MYH15: variants seen among roughly 807,000 people sequenced by gnomAD.
MYH15 encodes the protein myosin-15.
Under a neutral mutation model 240.5 loss-of-function variants are expected in MYH15, and 227 were observed. That is an observed-to-expected ratio of 0.94 (90% CI 0.85 to 1.05). MYH15 has a LOEUF of 1.05. Among genes scored for constraint, MYH15 ranks in the 50% least tolerant of loss-of-function variants. MYH15 has a pLI of 0.00. For synonymous variants in MYH15, 785 were observed against 796.7 expected, an observed-to-expected ratio of 0.99 and a Z score of 0.25; for missense variants, 2,217 against 2,247.5, an observed-to-expected ratio of 0.99 and a Z score of 0.27.
At chr3:108,393,911 C>T in intron 36 of MYH15, 120 bp downstream of exon 36, 2 of 1,453,442 alleles carry the variant, frequency 1.4e-6, no homozygotes, top group Admixed American at 1.8e-5. Flanking sequence ...AGACTAACCT[C>T]CCCCTGGCTG....
At chr3:108,397,290 T>C (rs1015775513) in intron 35 of MYH15, among the ~76,000 whole-genome samples, 1 of 152,144 alleles carries the variant, frequency 6.6e-6, no homozygotes, top group African/African-American at 2.4e-5. Flanking sequence ...CCGAATACTC[T>C]AGCATGTGAA....
chr3:108,400,605 TCGAGAC>T (rs1305482929), intron 33 of MYH15, among the ~76,000 whole-genome samples: 2 of 152,102 alleles, frequency 1.3e-5, no homozygotes, highest in Non-Finnish European at 2.9e-5. Context: ...GGTGGGCAGA[TCGAGAC>T]CAGCCTGGCC....
In MYH15 at chr3:108,454,131, T is replaced by A. The variant is rs1244220679; in HGVS notation, c.2274A>T (p.Lys758Asn). 1 of 1,609,676 alleles carries A rather than the reference T, an allele frequency of 6.2e-7. No individual in the cohort carries two copies. The highest frequency in any genetic ancestry group is 8.5e-7 in the Non-Finnish European group (1 of 1,177,074). Residue 758 changes from lysine (K) to asparagine (N), a missense_variant, in exon 21 of 41, where the codon AAA (lysine) becomes AAT (asparagine). Lys to Asn is a moderately conservative substitution (Grantham distance 94). Transcript: ENST00000693548. ...CTTCCAGTTGGCCCAGAAACCCAGCTTTAAAAAACACCTAAAGGAAAAGTC... is the reference window on the plus strand; with the variant it reads ...CTTCCAGTTGGCCCAGAAACCCAGCATTAAAAAACACCTAAAGGAAAAGTC... ...YRFGITKVFF[K>N]AGFLGQLEAI...
the MYH15 span, among the ~76,000 whole-genome samples, chr3:108,549,071 T>C: frequency 1.3e-5 from 2 of 152,058 alleles, no homozygotes; most frequent in African/African-American, 2.4e-5. Context: ...ACTGTGTTAA[T>C]GTATACTTTG....
intron 1 of MYH15, among the ~76,000 whole-genome samples, chr3:108,506,695 G>A (rs1560438849): frequency 6.6e-6 from 1 of 152,042 alleles, no homozygotes. Context: ...GACTAGCCTG[G>A]GCAACATAGC....
chr3:108,451,654 A>G (rs749856710), intron 21 of MYH15, among the ~76,000 whole-genome samples: 57 of 152,204 alleles, frequency 3.7e-4, no homozygotes, highest in Non-Finnish European at 7.3e-4. Flanking sequence ...AACATTCTTC[A>G]ACTGTTTTAT....
At chr3:108,510,370 GTCAA>G (rs2083512369) in intron 1 of MYH15, 69 bp downstream of exon 1, 16 of 1,532,138 alleles carry the variant, frequency 1.0e-5, no homozygotes, top group Non-Finnish European at 1.4e-5. Flanking sequence ...GCTCTTCTCT[GTCAA>G]TCAAATATCT....
At chr3:108,440,687 C>A in intron 23 of MYH15, among the ~76,000 whole-genome samples, 2 of 107,352 alleles carry the variant, frequency 1.9e-5, no homozygotes, top group African/African-American at 3.7e-5. Flanking sequence ...ATCATGCTCC[C>A]TCTCCTTCCA....
intron 29 of MYH15, 54 bp from the exon 30 acceptor site, chr3:108,414,482 T>C (rs992410948): frequency 2.9e-5 from 43 of 1,499,426 alleles, no homozygotes; most frequent in Non-Finnish European, 3.9e-5. Context: ...GCAACACAAG[T>C]CTTGAAAGTA....
intron 11 of MYH15, among the ~76,000 whole-genome samples, chr3:108,484,344 A>T (rs1457930577): frequency 2.2e-4 from 33 of 152,238 alleles, no homozygotes; most frequent in Non-Finnish European, 4.8e-4. Context: ...AGAAAAAACA[A>T]GGAGAAATAA....
chr3:108,488,873 A>G (rs1230763692), intron 9 of MYH15, among the ~76,000 whole-genome samples: 1 of 152,166 alleles, frequency 6.6e-6, no homozygotes, highest in Non-Finnish European at 1.5e-5. Context: ...ATTTTTCATA[A>G]TGACTGTAGT....
the MYH15 span, among the ~76,000 whole-genome samples, chr3:108,538,518 G>A: frequency 6.6e-6 from 1 of 152,282 alleles, no homozygotes; most frequent in African/African-American, 2.4e-5. Flanking sequence ...ATTGTGAAAT[G>A]TTAACAGCAT....
In MYH15 at chr3:108,495,845, C is replaced by T; in HGVS notation, c.646G>A (p.Ala216Thr). Residue 216 changes from alanine to threonine, a missense_variant, in exon 7 of 41, where the codon GCG becomes ACG. Transcript: ENST00000693548. ...QGALEDQIMQANTILEAFGNA... is the reference protein window; with the variant it reads ...QGALEDQIMQTNTILEAFGNA... ...CCAAATGCTTCCAAGATAGTATTCG[C>T]TTGCATGATTTGATCTTCTAACGCC... is the stretch of plus-strand genomic sequence containing the variant. 6.2e-7 allele frequency: 1 copy of T among 1,611,570 alleles called. No homozygotes were observed. Among genetic ancestry groups the T allele is most frequent in the Non-Finnish European group, 8.5e-7 (1 of 1,178,934 alleles).
At position 108,437,578 on chromosome 3, in the gene MYH15, C is replaced by T. The variant is rs542819427; in HGVS notation, c.3197G>A (p.Arg1066Gln). The change falls in exon 25 of 41, where the codon CGA becomes CAA. Residue 1066 changes from arginine to glutamine, a missense_variant. Arg to Gln is a conservative substitution (Grantham distance 43). Transcript: ENST00000693548. ...CTTCCTCAGCTCTTCTGCCAGGTGT[C>T]GCTGGCTGCTTTCCAGGTTCTCCAT... ...ESMENLESSQ[R>Q]HLAEELRKKE... is the part of the protein sequence containing the mutation. 6 of 1,613,672 alleles carry T rather than the reference C, an allele frequency of 3.7e-6. No individual in the cohort carries two copies. Among genetic ancestry groups the T allele is most frequent in the East Asian group, 2.2e-5 (1 of 44,868 alleles).
At chr3:108,491,927 A>C (rs541163480) in intron 9 of MYH15, among the ~76,000 whole-genome samples, 142 of 151,712 alleles carry the variant, frequency 9.4e-4, no homozygotes, top group African/African-American at 3.4e-3. Context: ...TCATATCCCA[A>C]CCTAAATTCC....
At chr3:108,463,286 C>A in intron 15 of MYH15, 43 bp from the exon 16 acceptor site, 2 of 1,563,832 alleles carry the variant, frequency 1.3e-6, no homozygotes, top group Non-Finnish European at 1.7e-6. Context: ...AGAAAAAAAA[C>A]TGCATAAGTT....
rs769023997 is a variant in MYH15 at position 108,470,684 on chromosome 3, C to T, written c.1383+14G>A. ...TAAATATGCATTGACTTCCTTCTTA[C>T]CAGATACACTTACCTCAAGGATTTC... On this transcript the variant is annotated intron_variant, in intron 13 of 40. Coordinates refer to ENST00000693548, the MANE Select transcript of MYH15 (RefSeq NM_014981.3). 10 of 1,612,246 alleles carry T rather than the reference C, an allele frequency of 6.2e-6. No homozygotes were observed. Among genetic ancestry groups the T allele is most frequent in the East Asian group, 2.2e-5 (1 of 44,798 alleles).
At chr3:108,475,252 G>A (rs953483189) in intron 12 of MYH15, among the ~76,000 whole-genome samples, 4 of 151,826 alleles carry the variant, frequency 2.6e-5, no homozygotes, top group African/African-American at 9.7e-5. Flanking sequence ...TATATCCTTT[G>A]GAATGTTACT....
At chr3:108,536,276 A>C in the MYH15 span, among the ~76,000 whole-genome samples, 1 of 152,156 alleles carries the variant, frequency 6.6e-6, no homozygotes, top group East Asian at 1.9e-4. Flanking sequence ...AAAAAACAAA[A>C]CAAAACAAAA....
Sources: gnomAD v4.1 joint callset for allele counts (sites outside exome capture counted in the v4.1 genomes callset) on GRCh38, gnomAD v4.1.1 for gene constraint, MANE v1.5 for transcripts, NCBI Gene and HGNC (gene_info 2026-07-23, HGNC 2026-07-21) for gene names.